Variants in NTM observed in about 807,000 individuals in gnomAD.
NTM encodes neurotrimin, also known as IgLON family member 2.
A neutral mutation model predicts 42.1 loss-of-function variants in NTM; 13 were observed. The observed-to-expected ratio is 0.31, with a 90% CI of 0.20 to 0.49. The LOEUF is 0.49. NTM is among the 20% of genes least tolerant of loss of function. The probability of loss-of-function intolerance (pLI) is 0.99; values close to 1 mark genes in which losing one functional copy is unlikely to be tolerated. For missense variants in NTM, 373 were observed against 452.8 expected, an observed-to-expected ratio of 0.82 and a Z score of 1.60; for synonymous variants, 187 against 179.2, an observed-to-expected ratio of 1.04 and a Z score of -0.35.
At chr11:131,404,684 T>A (rs1357446737) in intron 1 of NTM, among the ~76,000 whole-genome samples, 2 of 152,212 alleles carry the variant, frequency 1.3e-5, no homozygotes, top group Non-Finnish European at 2.9e-5. Context: ...TTGGGACACA[T>A]CCTTCAATTG....
At chr11:132,046,523 G>A (rs969869007) in intron 2 of NTM, among the ~76,000 whole-genome samples, 1 of 152,086 alleles carries the variant, frequency 6.6e-6, no homozygotes. Flanking sequence ...ATGATTAATG[G>A]CTTATGCAAA....
At chr11:131,478,349 T>A (rs1357838931) in intron 1 of NTM, among the ~76,000 whole-genome samples, 6 of 152,218 alleles carry the variant, frequency 3.9e-5, no homozygotes, top group Non-Finnish European at 8.8e-5. Flanking sequence ...CATCAGGAAT[T>A]AACTCTTCTA....
chr11:131,638,416 A>T (rs532071750), intron 1 of NTM, among the ~76,000 whole-genome samples: 1 of 151,856 alleles, frequency 6.6e-6, no homozygotes, highest in Non-Finnish European at 1.5e-5. Context: ...AAACACAAAA[A>T]TTAGCCGGGC....
chr11:131,895,692 G>A (rs897871364), intron 1 of NTM, among the ~76,000 whole-genome samples: 3 of 150,926 alleles, frequency 2.0e-5, no homozygotes, highest in Non-Finnish European at 2.9e-5. Context: ...ACATATATAT[G>A]TGTGTGTGTG....
At chr11:131,519,844 C>A (rs1395041552) in intron 1 of NTM, among the ~76,000 whole-genome samples, 9 of 148,382 alleles carry the variant, frequency 6.1e-5, no homozygotes, top group African/African-American at 2.3e-4. Context: ...GAGAGGTGAA[C>A]CTGCTTGTTA....
At chr11:132,236,954 C>T (rs2089086040) in intron 4 of NTM, among the ~76,000 whole-genome samples, 2 of 152,140 alleles carry the variant, frequency 1.3e-5, no homozygotes, top group Non-Finnish European at 2.9e-5. Context: ...ACCAGGGGCC[C>T]AGATCCCCGG....
intron 1 of NTM, among the ~76,000 whole-genome samples, chr11:131,595,118 G>A (rs927903910): frequency 1.3e-5 from 2 of 152,196 alleles, no homozygotes; most frequent in South Asian, 2.1e-4. Context: ...CATTTGGGGA[G>A]GAAAGGCAGT....
At chr11:132,209,113 C>T (rs1464011940) in intron 3 of NTM, among the ~76,000 whole-genome samples, 1 of 152,122 alleles carries the variant, frequency 6.6e-6, no homozygotes, top group Non-Finnish European at 1.5e-5. Context: ...ATCAAAGTGT[C>T]TATTTTTGCA....
intron 4 of NTM, among the ~76,000 whole-genome samples, chr11:132,237,731 A>T (rs1237867359): frequency 6.6e-6 from 1 of 152,128 alleles, no homozygotes; most frequent in Non-Finnish European, 1.5e-5. Context: ...GGCAAGTAAA[A>T]GCTTGGATGT....
At chr11:132,123,327 A>AGGTGAAGG (rs2065145557) in intron 2 of NTM, among the ~76,000 whole-genome samples, 1 of 152,210 alleles carries the variant, frequency 6.6e-6, no homozygotes, top group Admixed American at 6.5e-5. Flanking sequence ...GCTCTCTCGT[A>AGGTGAAGG]GGTGAAGGGG....
intron 2 of NTM, among the ~76,000 whole-genome samples, chr11:132,109,361 C>T (rs552306803): frequency 6.6e-6 from 1 of 152,238 alleles, no homozygotes; most frequent in South Asian, 2.1e-4. Flanking sequence ...TCTCCCTCAC[C>T]CCTTCCACCA....
chr11:132,212,025 C>G lies in NTM; in HGVS notation c.404C>G (p.Ser135Cys). 1 of 1,607,154 alleles carries G rather than the reference C, an allele frequency of 6.2e-7. No homozygotes were observed. Among genetic ancestry groups the G allele is most frequent in the South Asian group, 1.1e-5 (1 of 89,008 alleles). ...TCATTCTGTCTTGTTTCCACAGTAT[C>G]TCCCAAAATTGTAGAGATTTCTTCA... ...TSRVHLIVQV[S>C]PKIVEISSDI... The change falls in exon 4 of 9, where the codon TCT becomes TGT. Residue 135 changes from serine to cysteine, a missense_variant. Transcript: ENST00000683400.
chr11:132,084,752 G>C (rs1594497623), intron 2 of NTM, among the ~76,000 whole-genome samples: 1 of 152,004 alleles, frequency 6.6e-6, no homozygotes, highest in African/African-American at 2.4e-5. Context: ...TCTTTTCCTT[G>C]GTAGTCTATG....
rs2081531530 is a variant in NTM, at chr11:131,744,280, AG to A, written c.83-167281del. ...AAATAATTTGCAATTTAACATCTAA[AG>A]GGACTGAATAATTGACTTTATTCTT... On this transcript the variant is annotated intron_variant, in intron 1 of 8. Coordinates refer to ENST00000683400, the MANE Select transcript of NTM (RefSeq NM_001352005.2). Among the ~76,000 whole-genome samples the A allele has an allele frequency of 2.0e-5, 3 of 152,254 alleles. 1 individual carries two copies. Among genetic ancestry groups the A allele is most frequent in the Admixed American group, 2.0e-4 (3 of 15,288 alleles).
intron 2 of NTM, among the ~76,000 whole-genome samples, chr11:131,950,528 C>T (rs560164270): frequency 9.8e-5 from 15 of 152,290 alleles, no homozygotes; most frequent in African/African-American, 3.6e-4. Flanking sequence ...CACCCTCATC[C>T]TTCCTTTGCA....
At chr11:131,798,400 T>A (rs2136207511) in intron 1 of NTM, among the ~76,000 whole-genome samples, 1 of 152,284 alleles carries the variant, frequency 6.6e-6, no homozygotes, top group Non-Finnish European at 1.5e-5. Flanking sequence ...GCCTTATGCA[T>A]CTGTCCTCCC....
intron 1 of NTM, chr11:131,777,242 G>C (rs889334260): frequency 2.5e-5 from 4 of 157,092 alleles, no homozygotes; most frequent in African/African-American, 9.6e-5. Context: ...ATGTTAAGGA[G>C]AAATACTAGG....
chr11:131,690,633 G>A (rs557254723), intron 1 of NTM, among the ~76,000 whole-genome samples: 1 of 152,376 alleles, frequency 6.6e-6, no homozygotes, highest in South Asian at 2.1e-4. Context: ...CATCTGCAAG[G>A]TGTCAGAGCG....
intron 4 of NTM, among the ~76,000 whole-genome samples, chr11:132,241,468 A>G (rs540751911): frequency 6.6e-6 from 1 of 152,280 alleles, no homozygotes; most frequent in South Asian, 2.1e-4. Flanking sequence ...CCAGCAATAC[A>G]ATTCAGTGAC....
Sources: allele counts gnomAD v4.1 joint callset (sites outside exome capture counted in the v4.1 genomes callset), GRCh38; gene constraint gnomAD v4.1.1; transcripts MANE v1.5; gene names NCBI Gene and HGNC (gene_info 2026-07-23, HGNC 2026-07-21).